Variants in SLC39A11 observed in about 807,000 individuals in gnomAD.
SLC39A11 encodes zinc transporter ZIP11.
A neutral mutation model predicts 36.1 loss-of-function variants in SLC39A11; 33 were observed. That is an observed-to-expected ratio of 0.91 (90% CI 0.69 to 1.22). The LOEUF is 1.22. Ranked by LOEUF, SLC39A11 falls within the 50% of genes most tolerant of loss-of-function variation. The pLI, the probability that SLC39A11 is intolerant of heterozygous loss-of-function variation, is 0.00. For missense variants in SLC39A11, 432 were observed against 430.3 expected (o/e 1.00, Z -0.03); for synonymous variants, 166 against 170.3 (o/e 0.97, Z 0.20).
At chr17:73,033,353 C>T (rs1427804408) in intron 3 of SLC39A11, among the ~76,000 whole-genome samples, 2 of 152,096 alleles carry the variant, frequency 1.3e-5, no homozygotes, top group Admixed American at 6.5e-5. Flanking sequence ...AACTCAATGA[C>T]GGTAGAAACA....
intron 5 of SLC39A11, among the ~76,000 whole-genome samples, chr17:72,915,928 T>C (rs992278392): frequency 1.3e-5 from 2 of 152,248 alleles, no homozygotes; most frequent in Non-Finnish European, 2.9e-5. Context: ...CACAACCATA[T>C]GCCAAAGTCT....
intron 4 of SLC39A11, among the ~76,000 whole-genome samples, chr17:72,966,865 G>A (rs149661976): frequency 4.9e-4 from 74 of 152,224 alleles, no homozygotes; most frequent in African/African-American, 1.5e-3. Context: ...CACCACGCCC[G>A]GCCGCTTCAT....
intron 4 of SLC39A11, among the ~76,000 whole-genome samples, chr17:72,973,983 T>C (rs1189027805): frequency 6.6e-6 from 1 of 152,188 alleles, no homozygotes; most frequent in Admixed American, 6.5e-5. Flanking sequence ...AAGTCAACAG[T>C]GGGTGACATA....
chr17:73,023,200 CTCTACCA>C (rs1487410392), intron 4 of SLC39A11, among the ~76,000 whole-genome samples: 1 of 151,906 alleles, frequency 6.6e-6, no homozygotes, highest in East Asian at 1.9e-4. Context: ...GCTCCTGCCA[CTCTACCA>C]TCTTTCAATC....
intron 3 of SLC39A11, among the ~76,000 whole-genome samples, chr17:73,062,445 G>C (rs901740483): frequency 3.1e-5 from 1 of 32,434 alleles, no homozygotes; most frequent in African/African-American, 1.3e-4. Flanking sequence ...CTGGGTGATA[G>C]TGCCAGAGCT....
chr17:72,986,864 T>A (rs1414939734), intron 4 of SLC39A11, among the ~76,000 whole-genome samples: 1 of 152,156 alleles, frequency 6.6e-6, no homozygotes, highest in Non-Finnish European at 1.5e-5. Context: ...CTGGTTACTG[T>A]CTTCAACTAC....
At chr17:72,872,179 G>A (rs899038452) in intron 5 of SLC39A11, among the ~76,000 whole-genome samples, 1 of 152,212 alleles carries the variant, frequency 6.6e-6, no homozygotes, top group African/African-American at 2.4e-5. Context: ...ACCCAGCAAA[G>A]TCCCAGGAGT....
At chr17:72,862,801 T>C (rs556169407) in intron 5 of SLC39A11, among the ~76,000 whole-genome samples, 10 of 152,262 alleles carry the variant, frequency 6.6e-5, no homozygotes, top group Middle Eastern at 6.8e-3. Flanking sequence ...CTGTGGCTCC[T>C]ATTACACAAA....
chr17:72,736,785 C>T (rs2074448023), intron 6 of SLC39A11, 66 bp from the exon 7 acceptor site: 11 of 1,257,938 alleles, frequency 8.7e-6, no homozygotes, highest in Non-Finnish European at 1.3e-5. Flanking sequence ...ATCACCATCA[C>T]TGTCACTGCA....
chr17:73,015,922 C>T (rs1394035874), intron 4 of SLC39A11, among the ~76,000 whole-genome samples: 2 of 152,052 alleles, frequency 1.3e-5, no homozygotes, highest in Non-Finnish European at 2.9e-5. Context: ...TGAGGAATGG[C>T]GGTGCTTTCT....
chr17:73,077,324 A>G (rs920627258), intron 3 of SLC39A11, among the ~76,000 whole-genome samples: 2 of 152,064 alleles, frequency 1.3e-5, no homozygotes, highest in African/African-American at 4.8e-5. Context: ...AATGTTTGTT[A>G]TTGTTGTTTT....
chr17:72,990,851 G>C (rs1301174261), intron 4 of SLC39A11, among the ~76,000 whole-genome samples: 2 of 152,164 alleles, frequency 1.3e-5, no homozygotes, highest in African/African-American at 2.4e-5. Flanking sequence ...TGACTGTCAA[G>C]ACCAGGGACC....
chr17:72,787,120 G>A (rs909984559), intron 6 of SLC39A11, among the ~76,000 whole-genome samples: 4 of 151,432 alleles, frequency 2.6e-5, no homozygotes, highest in Non-Finnish European at 4.4e-5. Context: ...AAGCCTGGCC[G>A]CAATCCCTTA....
chr17:72,649,038 AC>A, intron 8 of SLC39A11, 77 bp from the exon 9 acceptor site: 1 of 1,560,710 alleles, frequency 6.4e-7, no homozygotes, highest in Non-Finnish European at 8.7e-7. Context: ...TGTTGGCTCA[AC>A]CCTAGCACAT....
chr17:72,954,311 G>A (rs1331124067), intron 4 of SLC39A11, among the ~76,000 whole-genome samples: 1 of 152,356 alleles, frequency 6.6e-6, no homozygotes, highest in South Asian at 2.1e-4. Flanking sequence ...CTCTTTAATT[G>A]AAGCTTGTCA....
intron 7 of SLC39A11, among the ~76,000 whole-genome samples, chr17:72,664,394 G>T (rs577251626): frequency 1.3e-5 from 2 of 152,308 alleles, no homozygotes; most frequent in African/African-American, 2.4e-5. Context: ...GTGGTCAGTG[G>T]CAGCTTTGGG....
intron 2 of SLC39A11, 78 bp downstream of exon 2, chr17:73,088,579 C>T (rs960006362): frequency 8.5e-6 from 10 of 1,175,308 alleles, no homozygotes; most frequent in Middle Eastern, 3.8e-4. Flanking sequence ...GTCTACAAAC[C>T]TGCTCCATGG....
chr17:72,664,076 T>C, intron 7 of SLC39A11: 1 of 161,010 alleles, frequency 6.2e-6, no homozygotes. Context: ...GACACCCGCC[T>C]AGCCAGCCAG....
At chr17:72,987,446 T>C (rs553160886) in intron 4 of SLC39A11, among the ~76,000 whole-genome samples, 1 of 152,326 alleles carries the variant, frequency 6.6e-6, no homozygotes, top group South Asian at 2.1e-4. Context: ...GCACTTAGCA[T>C]ACAGTTCCTG....
Sources: gnomAD v4.1 joint callset for allele counts (sites outside exome capture counted in the v4.1 genomes callset) on GRCh38, gnomAD v4.1.1 for gene constraint, MANE v1.5 for transcripts, NCBI Gene and HGNC (gene_info 2026-07-23, HGNC 2026-07-21) for gene names.